Variants in FGF10 observed in about 807,000 individuals in gnomAD.
FGF10 encodes the protein fibroblast growth factor 10.
A neutral mutation model predicts 19.8 loss-of-function variants in FGF10; 2 were observed. That is an observed-to-expected ratio of 0.10 (90% CI 0.04 to 0.32). The LOEUF (loss-of-function observed/expected upper bound fraction) is 0.32, where lower values mean the gene tolerates loss of function less well. Ranked by LOEUF, FGF10 falls within the 10% of genes least tolerant of loss-of-function variation. The pLI, the probability that FGF10 is intolerant of heterozygous loss-of-function variation, is 1.00. For missense variants in FGF10, 191 were observed against 246.3 expected, an observed-to-expected ratio of 0.78 and a Z score of 1.50; for synonymous variants, 112 against 94.0, an observed-to-expected ratio of 1.19 and a Z score of -1.10.
intron 1 of FGF10, among the ~76,000 whole-genome samples, chr5:44,315,581 G>C (rs1241243888): frequency 1.3e-5 from 2 of 152,110 alleles, no homozygotes. Flanking sequence ...TTCAGAATCA[G>C]TCACATCTAT....
chr5:44,347,749 T>C (rs1321145203), intron 1 of FGF10, among the ~76,000 whole-genome samples: 1 of 151,720 alleles, frequency 6.6e-6, no homozygotes, highest in Non-Finnish European at 1.5e-5. Context: ...AATCAATACT[T>C]GCTAATTAAA....
At chr5:44,333,519 T>C (rs1413709478) in intron 1 of FGF10, among the ~76,000 whole-genome samples, 1 of 152,200 alleles carries the variant, frequency 6.6e-6, no homozygotes, top group Non-Finnish European at 1.5e-5. Context: ...AGCATCACTA[T>C]GTCCTTGACC....
chr5:44,350,331 T>C (rs1051915656), intron 1 of FGF10, among the ~76,000 whole-genome samples: 1 of 151,056 alleles, frequency 6.6e-6, no homozygotes, highest in African/African-American at 2.4e-5. Flanking sequence ...GGATAAAATG[T>C]ACTGTATACA....
At chr5:44,388,189 G>A (rs1352130290) in intron 1 of FGF10, among the ~76,000 whole-genome samples, 169 bp downstream of exon 1, 3 of 150,776 alleles carry the variant, frequency 2.0e-5, no homozygotes, top group Non-Finnish European at 2.9e-5. Flanking sequence ...GCAGCACAAT[G>A]TATACACGGG....
At chr5:44,363,270 G>T (rs914960759) in intron 1 of FGF10, among the ~76,000 whole-genome samples, 20 of 151,728 alleles carry the variant, frequency 1.3e-4, no homozygotes, top group Admixed American at 3.9e-4. Flanking sequence ...TTGTATTAAA[G>T]CCACTGGTAA....
intron 1 of FGF10, among the ~76,000 whole-genome samples, chr5:44,373,668 GTTAATA>G (rs1176887296): frequency 2.0e-5 from 3 of 152,158 alleles, no homozygotes; most frequent in East Asian, 1.9e-4. Context: ...AAAAAGCACT[GTTAATA>G]TTAATATGTC....
chr5:44,329,004 A>G (rs1296203024), intron 1 of FGF10, among the ~76,000 whole-genome samples: 2 of 152,152 alleles, frequency 1.3e-5, no homozygotes, highest in Admixed American at 1.3e-4. Flanking sequence ...CTCTGAATAA[A>G]TAAATAGCCT....
chr5:44,308,681 T>C (rs1265214040), intron 2 of FGF10, among the ~76,000 whole-genome samples: 2 of 152,144 alleles, frequency 1.3e-5, no homozygotes, highest in East Asian at 3.9e-4. Context: ...AAAATTCCTC[T>C]GACCCCCATG....
intron 1 of FGF10, among the ~76,000 whole-genome samples, chr5:44,362,654 A>T (rs192721755): frequency 7.2e-5 from 11 of 151,780 alleles, no homozygotes; most frequent in Non-Finnish European, 1.0e-4. Context: ...TCAGCATGAC[A>T]AATTGTTGTA....
chr5:44,388,247 AG>A, intron 1 of FGF10, 110 bp downstream of exon 1: 1 of 970,864 alleles, frequency 1.0e-6, no homozygotes, highest in Non-Finnish European at 1.7e-6. Flanking sequence ...ATCATTTTAC[AG>A]GGGTTGGGGA....
intron 2 of FGF10, among the ~76,000 whole-genome samples, chr5:44,310,131 C>T (rs1424127397): frequency 1.3e-5 from 2 of 152,038 alleles, no homozygotes; most frequent in Non-Finnish European, 2.9e-5. Flanking sequence ...TCTTCATTTT[C>T]CATGCCAATC....
chr5:44,363,533 C>A (rs17234036), intron 1 of FGF10, among the ~76,000 whole-genome samples: 1,615 of 151,908 alleles, frequency 0.011, 33 homozygotes, highest in African/African-American at 0.037. Context: ...GCAAATTTCA[C>A]AGAGTTTGAA....
intron 1 of FGF10, among the ~76,000 whole-genome samples, chr5:44,317,206 C>T (rs1249298551): frequency 1.3e-5 from 2 of 152,178 alleles, no homozygotes; most frequent in Non-Finnish European, 2.9e-5. Context: ...TTTAGTTTCT[C>T]TATCTTCCAC....
At chr5:44,380,453 C>T (rs1741960221) in intron 1 of FGF10, among the ~76,000 whole-genome samples, 1 of 152,126 alleles carries the variant, frequency 6.6e-6, no homozygotes, top group Admixed American at 6.5e-5. Context: ...CTAGTAAAGG[C>T]ATACGTATTT....
At chr5:44,315,359 G>T (rs1355707032) in intron 1 of FGF10, among the ~76,000 whole-genome samples, 2 of 152,178 alleles carry the variant, frequency 1.3e-5, no homozygotes, top group East Asian at 1.9e-4. Flanking sequence ...GAACATTCCA[G>T]GGAGAGAAAG....
intron 2 of FGF10, among the ~76,000 whole-genome samples, chr5:44,308,774 A>G (rs886451588): frequency 2.6e-5 from 4 of 152,150 alleles, no homozygotes; most frequent in Non-Finnish European, 5.9e-5. Context: ...TGATATTAGT[A>G]AAATACAAGG....
intron 1 of FGF10, among the ~76,000 whole-genome samples, chr5:44,349,862 T>A (rs114595041): frequency 6.6e-6 from 1 of 151,310 alleles, no homozygotes; most frequent in Non-Finnish European, 1.5e-5. Flanking sequence ...TCTAAAGTTA[T>A]GAAAAGTCTA....
In FGF10 at chr5:44,388,722, A is replaced by G. The variant is rs981726953; in HGVS notation, c.-40T>C. ...CGGCACTGGAAATTGTCTCATCAGA[A>G]GGAACATACTGGAAGGGTAAGACCC... On this transcript the variant is annotated 5_prime_UTR_variant, in exon 1 of 3. Transcript: ENST00000264664. 6.2e-7 allele frequency: 1 copy of G among 1,604,834 alleles called. No homozygotes were observed. The highest frequency in any genetic ancestry group is 1.3e-5 in the African/African-American group (1 of 74,754).
chr5:44,357,181 A>C (rs1056575118), intron 1 of FGF10, among the ~76,000 whole-genome samples: 1 of 151,446 alleles, frequency 6.6e-6, no homozygotes, highest in East Asian at 1.9e-4. Context: ...TTTAGCAACA[A>C]CAAAACCCTA....
Sources: gnomAD v4.1 joint callset for allele counts (sites outside exome capture counted in the v4.1 genomes callset) on GRCh38, gnomAD v4.1.1 for gene constraint, MANE v1.5 for transcripts, NCBI Gene and HGNC (gene_info 2026-07-23, HGNC 2026-07-21) for gene names.